Variants in CDH13 observed in about 807,000 individuals in gnomAD.
CDH13 encodes the protein cadherin-13.
In CDH13, 24 loss-of-function variants were observed where a neutral mutation model predicts 63.8. That is an observed-to-expected ratio of 0.38 (90% CI 0.27 to 0.53). CDH13 has a LOEUF of 0.53. Ranked by LOEUF, CDH13 falls within the 20% of genes least tolerant of loss-of-function variation. The probability of loss-of-function intolerance (pLI) is 0.85; values close to 1 mark genes in which losing one functional copy is unlikely to be tolerated. For missense variants in CDH13, 1,049 were observed against 903.1 expected, an observed-to-expected ratio of 1.16 and a Z score of -2.07; for synonymous variants, 503 against 355.3, an observed-to-expected ratio of 1.42 and a Z score of -4.67.
chr16:83,222,820 G>T (rs1236047033), intron 5 of CDH13, among the ~76,000 whole-genome samples: 3 of 152,116 alleles, frequency 2.0e-5, no homozygotes, highest in Non-Finnish European at 4.4e-5. Context: ...GGCCAGATGA[G>T]GTGGTGCTAC....
intron 10 of CDH13, among the ~76,000 whole-genome samples, chr16:83,742,564 G>T (rs1052113360): frequency 6.6e-6 from 1 of 152,164 alleles, no homozygotes; most frequent in Non-Finnish European, 1.5e-5. Context: ...TACACTGAAA[G>T]GTTTATTAAA....
intron 1 of CDH13, among the ~76,000 whole-genome samples, chr16:82,854,534 A>C (rs1246849948): frequency 6.6e-6 from 1 of 152,188 alleles, no homozygotes; most frequent in Non-Finnish European, 1.5e-5. Context: ...TTTTAAATGC[A>C]GTTTTGTAAT....
At chr16:83,220,806 G>T (rs548418466) in intron 5 of CDH13, among the ~76,000 whole-genome samples, 17 of 152,218 alleles carry the variant, frequency 1.1e-4, no homozygotes, top group African/African-American at 4.1e-4. Context: ...AATCCAACAA[G>T]AAATATTTTG....
At chr16:83,682,931 AC>A (rs1384128026) in intron 10 of CDH13, among the ~76,000 whole-genome samples, 2 of 151,834 alleles carry the variant, frequency 1.3e-5, no homozygotes, top group African/African-American at 4.8e-5. Context: ...CTTCTCCCCA[AC>A]CCCAACCCCA....
intron 8 of CDH13, among the ~76,000 whole-genome samples, chr16:83,670,343 C>G (rs1914390762): frequency 6.6e-6 from 1 of 152,174 alleles, no homozygotes. Context: ...AAATTTGTTT[C>G]TCATTCAATG....
chr16:83,043,360 T>C (rs1219698411), intron 3 of CDH13, among the ~76,000 whole-genome samples: 4 of 152,158 alleles, frequency 2.6e-5, no homozygotes, highest in African/African-American at 9.7e-5. Flanking sequence ...AATTTTATTT[T>C]ATACAGGAGC....
chr16:82,869,501 A>T (rs529813391), intron 2 of CDH13, among the ~76,000 whole-genome samples: 1 of 152,218 alleles, frequency 6.6e-6, no homozygotes, highest in Admixed American at 6.5e-5. Flanking sequence ...TTTATACAGA[A>T]CCCCAAAAGA....
At chr16:83,464,841 C>T (rs1466503024) in intron 6 of CDH13, among the ~76,000 whole-genome samples, 2 of 152,180 alleles carry the variant, frequency 1.3e-5, no homozygotes, top group Non-Finnish European at 2.9e-5. Flanking sequence ...TGGGGTTTCA[C>T]CAAGTTGCCC....
At chr16:83,674,625 C>G (rs1914799820) in intron 9 of CDH13, among the ~76,000 whole-genome samples, 1 of 152,214 alleles carries the variant, frequency 6.6e-6, no homozygotes, top group Non-Finnish European at 1.5e-5. Context: ...AGCAGGTCTG[C>G]CCTAACCAGT....
At chr16:82,916,628 C>T (rs1273088314) in intron 2 of CDH13, among the ~76,000 whole-genome samples, 1 of 151,768 alleles carries the variant, frequency 6.6e-6, no homozygotes, top group Non-Finnish European at 1.5e-5. Context: ...TGATAAATGC[C>T]ATGATAGATA....
chr16:82,945,233 A>T (rs1034645021), intron 2 of CDH13, among the ~76,000 whole-genome samples: 1 of 152,194 alleles, frequency 6.6e-6, no homozygotes. Flanking sequence ...CAGTCACTCA[A>T]CTGTGCCCGT....
intron 2 of CDH13, among the ~76,000 whole-genome samples, chr16:82,867,374 G>C (rs1470138520): frequency 6.6e-6 from 1 of 152,156 alleles, no homozygotes. Context: ...GAGAACTGCT[G>C]CTGCTGCGTA....
intron 7 of CDH13, among the ~76,000 whole-genome samples, chr16:83,580,650 A>T (rs1905504832): frequency 6.6e-6 from 1 of 151,984 alleles, no homozygotes. Flanking sequence ...ATGCGCTACC[A>T]TGCCCTGGCT....
intron 1 of CDH13, among the ~76,000 whole-genome samples, chr16:82,849,113 A>G (rs557488329): frequency 1.6e-4 from 24 of 152,286 alleles, no homozygotes; most frequent in African/African-American, 5.5e-4. Context: ...CAATTTTCTG[A>G]AGGCTGAGAG....
At chr16:83,128,757 T>G (rs2035918212) in intron 4 of CDH13, among the ~76,000 whole-genome samples, 1 of 152,238 alleles carries the variant, frequency 6.6e-6, no homozygotes, top group Non-Finnish European at 1.5e-5. Context: ...AACATTCTTC[T>G]GCATTGTTTT....
chr16:82,997,039 TG>T (rs374320982), intron 2 of CDH13, among the ~76,000 whole-genome samples: 3,737 of 130,290 alleles, frequency 0.029, 122 homozygotes, highest in African/African-American at 0.096. Flanking sequence ...ATGGTGGTGA[TG>T]ATGATGATGA....
intron 3 of CDH13, among the ~76,000 whole-genome samples, chr16:83,112,515 G>A (rs1275935023): frequency 6.6e-6 from 1 of 152,188 alleles, no homozygotes; most frequent in Non-Finnish European, 1.5e-5. Context: ...TTGTGGGTTA[G>A]GAGTTAGAAG....
At chr16:83,201,733 TA>T (rs959135155) in intron 4 of CDH13, among the ~76,000 whole-genome samples, 2 of 138,944 alleles carry the variant, frequency 1.4e-5, no homozygotes, top group East Asian at 2.1e-4. Context: ...CCGTCTCTAA[TA>T]AAAAAAAATT....
intron 7 of CDH13, among the ~76,000 whole-genome samples, chr16:83,559,580 G>C (rs377462100): frequency 2.0e-5 from 3 of 151,300 alleles, no homozygotes; most frequent in Non-Finnish European, 2.9e-5. Context: ...AAAAGAAAGA[G>C]AGAGAGAGAG....
Sources: allele counts gnomAD v4.1 joint callset (sites outside exome capture counted in the v4.1 genomes callset), GRCh38; gene constraint gnomAD v4.1.1; transcripts MANE v1.5; gene names NCBI Gene and HGNC (gene_info 2026-07-23, HGNC 2026-07-21).